The following XKR4 variants were observed in gnomAD, a reference collection of about 807,000 sequenced individuals.
The protein encoded by XKR4 is XK related 4.
Under a neutral mutation model 53.9 loss-of-function variants are expected in XKR4, and 12 were observed. The observed-to-expected ratio is 0.22, with a 90% CI of 0.14 to 0.36. The LOEUF (loss-of-function observed/expected upper bound fraction) is 0.36. XKR4 is among the 10% of genes least tolerant of loss of function. XKR4 has a pLI of 1.00. For missense variants in XKR4, 799 were observed against 859.5 expected (o/e 0.93, Z 0.88); for synonymous variants, 354 against 362.4 (o/e 0.98, Z 0.26).
intron 2 of XKR4, among the ~76,000 whole-genome samples, chr8:55,460,667 C>T (rs912083898): frequency 1.3e-4 from 20 of 152,066 alleles, no homozygotes; most frequent in African/African-American, 2.9e-4. Context: ...AAGCATGAGC[C>T]GAAGCAGGGT....
At chr8:55,201,915 T>A (rs1473843394) in intron 1 of XKR4, among the ~76,000 whole-genome samples, 1 of 152,212 alleles carries the variant, frequency 6.6e-6, no homozygotes, top group Non-Finnish European at 1.5e-5. Context: ...GAGAAATGTG[T>A]TATTAAATCA....
chr8:55,201,782 T>G (rs1364142571), intron 1 of XKR4, among the ~76,000 whole-genome samples: 1 of 152,178 alleles, frequency 6.6e-6, no homozygotes, highest in African/African-American at 2.4e-5. Flanking sequence ...AGTACTGAAA[T>G]CGCATGCACA....
intron 1 of XKR4, among the ~76,000 whole-genome samples, chr8:55,185,519 G>A (rs1464950926): frequency 6.6e-6 from 1 of 152,108 alleles, no homozygotes; most frequent in Non-Finnish European, 1.5e-5. Flanking sequence ...GCTAATAAAA[G>A]GCCTTCTTGC....
intron 2 of XKR4, among the ~76,000 whole-genome samples, chr8:55,403,056 C>T (rs1465283599): frequency 2.0e-5 from 3 of 152,182 alleles, no homozygotes; most frequent in Non-Finnish European, 2.9e-5. Flanking sequence ...CAGATATCAT[C>T]GCGGACCTGG....
chr8:55,363,198 G>C (rs1803928202), intron 2 of XKR4, among the ~76,000 whole-genome samples: 1 of 152,122 alleles, frequency 6.6e-6, no homozygotes. Flanking sequence ...GTATTTAGCT[G>C]GGGTGTGCTG....
In XKR4 at chr8:55,437,015, T is replaced by C. The variant is rs534474422; in HGVS notation, c.1006+79138T>C. Among the ~76,000 whole-genome samples, 58 of 152,298 alleles carry C rather than the reference T, an allele frequency of 3.8e-4. 2 individuals carry two copies. The South Asian group carries it at 0.012, about 30-fold the overall frequency. On this transcript the variant is annotated intron_variant, in intron 2 of 2. Transcript: ENST00000327381. ...ATCTATGTTATGAAAGGTACGGGATTTGCCGTTCCTATTCAGAATTCAACA... is the reference window on the plus strand; with the variant it reads ...ATCTATGTTATGAAAGGTACGGGATCTGCCGTTCCTATTCAGAATTCAACA...
intron 1 of XKR4, among the ~76,000 whole-genome samples, chr8:55,224,391 G>C (rs925350836): frequency 6.6e-6 from 1 of 152,126 alleles, no homozygotes; most frequent in Non-Finnish European, 1.5e-5. Flanking sequence ...ATTTGCAAAC[G>C]GATATATTAA....
At chr8:55,226,903 C>T (rs1413675666) in intron 1 of XKR4, among the ~76,000 whole-genome samples, 2 of 152,190 alleles carry the variant, frequency 1.3e-5, no homozygotes, top group Admixed American at 6.5e-5. Context: ...AGATGAAAGT[C>T]AGGAGCCTGA....
intron 1 of XKR4, among the ~76,000 whole-genome samples, chr8:55,326,163 C>T (rs147474668): frequency 2.0e-3 from 309 of 152,172 alleles, no homozygotes; most frequent in African/African-American, 7.1e-3. Context: ...GAAAGAATAC[C>T]GGAGACAGGC....
intron 2 of XKR4, chr8:55,454,713 G>GAGGC: frequency 1.2e-6 from 1 of 836,278 alleles, no homozygotes; most frequent in East Asian, 2.4e-5. Context: ...CGGCATAGAT[G>GAGGC]AGGCCGAGGC....
intron 2 of XKR4, among the ~76,000 whole-genome samples, chr8:55,500,502 A>G (rs117552791): frequency 0.019 from 2,886 of 152,330 alleles, 52 homozygotes; most frequent in Middle Eastern, 0.037. Context: ...AAGACAAAGT[A>G]GACAACAGTC....
At chr8:55,321,726 C>T (rs917423519) in intron 1 of XKR4, among the ~76,000 whole-genome samples, 12 of 152,228 alleles carry the variant, frequency 7.9e-5, no homozygotes, top group Admixed American at 7.2e-4. Flanking sequence ...CATGGTGGCT[C>T]ATGCCTGTAA....
chr8:55,458,619 G>C (rs2135541), intron 2 of XKR4, among the ~76,000 whole-genome samples: 61,314 of 152,056 alleles, frequency 0.4, 13,107 homozygotes, highest in East Asian at 0.53. Context: ...GTGGCTCTCA[G>C]TGGGATGGGG....
intron 1 of XKR4, among the ~76,000 whole-genome samples, chr8:55,113,249 T>C (rs1816258322): frequency 6.6e-6 from 1 of 152,222 alleles, no homozygotes; most frequent in East Asian, 1.9e-4. Context: ...AAAATATCAC[T>C]GTGTTGCCTT....
Position 55,301,444 on chromosome 8 carries a change from C to T in XKR4, c.807-56234C>T, listed in dbSNP as rs563110045. On this transcript the variant is annotated intron_variant, in intron 1 of 2. Transcript: ENST00000327381. ...AAGTCTTTGCTATTGTGAATAGTGC[C>T]GCAATAAACATACATGTGCATGTGT... 2.5e-3 allele frequency among the ~76,000 whole-genome samples: 373 copies of T among 151,784 alleles called. 2 individuals are homozygous for T. The highest frequency in any genetic ancestry group is 8.5e-3 in the African/African-American group (350 of 41,366).
At chr8:55,121,170 A>G (rs543753223) in intron 1 of XKR4, among the ~76,000 whole-genome samples, 4 of 152,366 alleles carry the variant, frequency 2.6e-5, no homozygotes, top group Admixed American at 6.5e-5. Flanking sequence ...CAAGGCTGCT[A>G]TAAACATCTG....
At chr8:55,462,987 GACCT>G (rs1184926621) in intron 2 of XKR4, among the ~76,000 whole-genome samples, 12 of 152,094 alleles carry the variant, frequency 7.9e-5, no homozygotes, top group African/African-American at 2.9e-4. Flanking sequence ...AGTCCTTAGT[GACCT>G]ACAAAGAGAC....
chr8:55,448,550 G>C (rs2129395834), intron 2 of XKR4, among the ~76,000 whole-genome samples: 1 of 152,324 alleles, frequency 6.6e-6, no homozygotes, highest in South Asian at 2.1e-4. Flanking sequence ...TGTGGTTTGG[G>C]GAAGAGGCTG....
chr8:55,399,830 C>T (rs967884603), intron 2 of XKR4, among the ~76,000 whole-genome samples: 5 of 152,174 alleles, frequency 3.3e-5, no homozygotes, highest in African/African-American at 9.7e-5. Flanking sequence ...GAAGTAGGCA[C>T]GGGAGTCCAT....
Sources: allele counts gnomAD v4.1 joint callset (sites outside exome capture counted in the v4.1 genomes callset), GRCh38; gene constraint gnomAD v4.1.1; transcripts MANE v1.5; gene names NCBI Gene and HGNC (gene_info 2026-07-23, HGNC 2026-07-21).